Variants in CHL1 observed in about 807,000 individuals in gnomAD.
CHL1 encodes cell adhesion molecule L1 like.
CHL1 carries 96 observed loss-of-function variants against 141.9 expected under a neutral mutation model. The ratio of observed to expected loss-of-function variants is 0.68; its 90% CI spans 0.57 to 0.80. The LOEUF (loss-of-function observed/expected upper bound fraction) is 0.80. Ranked by LOEUF, CHL1 falls within the 30% of genes least tolerant of loss-of-function variation. CHL1 has a pLI of 0.00. For synonymous variants in CHL1, 613 were observed against 502.2 expected (o/e 1.22, Z -2.95); for missense variants, 1,820 against 1,457.2 (o/e 1.25, Z -4.05).
intron 3 of CHL1, among the ~76,000 whole-genome samples, chr3:325,434 T>C (rs947474784): frequency 4.1e-5 from 6 of 147,828 alleles, no homozygotes; most frequent in Non-Finnish European, 9.0e-5. Flanking sequence ...AAAATTCCTA[T>C]TGAAATAGTT....
rs1383455687 is a variant in CHL1, at chr3:399,010, A to T, written c.3254-7A>T. On this transcript the variant is annotated splice_region_variant and splice_polypyrimidine_tract_variant and intron_variant, in intron 25 of 27. Transcript: ENST00000256509. ...TTACAATGCTGTGACTTCTCTTTCT[A>T]CCACAGAATATGCTGGTTTATATGA... 6.2e-7 allele frequency: 1 copy of T among 1,612,718 alleles called. No individual in the cohort carries two copies.
At chr3:268,308 C>A (rs1266942222) in intron 2 of CHL1, among the ~76,000 whole-genome samples, 3 of 152,004 alleles carry the variant, frequency 2.0e-5, no homozygotes, top group African/African-American at 7.2e-5. Context: ...CTGAGATGGG[C>A]AGATTATTTG....
chr3:206,232 C>A (rs527267494), intron 1 of CHL1, among the ~76,000 whole-genome samples: 2 of 152,320 alleles, frequency 1.3e-5, no homozygotes, highest in East Asian at 3.9e-4. Context: ...CTTTGGGAGG[C>A]TGAGACGGGT....
At chr3:251,563 T>C (rs996829410) in intron 2 of CHL1, among the ~76,000 whole-genome samples, 10 of 152,270 alleles carry the variant, frequency 6.6e-5, no homozygotes, top group Admixed American at 6.5e-4. Flanking sequence ...TCACACTTCT[T>C]TAAAATGGGG....
intron 5 of CHL1, 127 bp from the exon 6 acceptor site, chr3:340,667 A>G: frequency 1.3e-6 from 1 of 753,276 alleles, no homozygotes; most frequent in Admixed American, 2.9e-5. Context: ...AGATGTAAGA[A>G]CCAGGATCTG....
intron 2 of CHL1, among the ~76,000 whole-genome samples, chr3:265,143 A>T (rs59660528): frequency 6.6e-5 from 10 of 152,212 alleles, no homozygotes; most frequent in Non-Finnish European, 1.3e-4. Context: ...TTATTTAATT[A>T]ACGGGTAGCT....
Position 269,151 on chromosome 3 carries a change from C to T in CHL1, c.-95+24459C>T, listed in dbSNP as rs999100251. The stretch of plus-strand genomic sequence containing the variant: ...TTTCCCCAACCATCAACCAGCTGCT[C>T]GGCTTGTGCACAAAAAGTTTTGGAG... On this transcript the variant is annotated intron_variant, in intron 2 of 27. Transcript: ENST00000256509. Among the ~76,000 whole-genome samples the T allele has an allele frequency of 5.3e-5, 8 of 152,144 alleles. No homozygotes were observed. In the East Asian group the frequency reaches 5.8e-4, roughly 11 times the overall value.
At chr3:257,617 G>T (rs1461760565) in intron 2 of CHL1, among the ~76,000 whole-genome samples, 1 of 152,018 alleles carries the variant, frequency 6.6e-6, no homozygotes, top group East Asian at 1.9e-4. Flanking sequence ...CTCCCTAAGT[G>T]CTGGGATTAC....
chr3:388,738 A>G (rs1028402513), intron 19 of CHL1, among the ~76,000 whole-genome samples: 6 of 152,174 alleles, frequency 3.9e-5, no homozygotes, highest in African/African-American at 1.4e-4. Context: ...ATATTCTCCA[A>G]AAATATTTAC....
chr3:216,926 C>T (rs761601726), intron 1 of CHL1, among the ~76,000 whole-genome samples: 1 of 152,168 alleles, frequency 6.6e-6, no homozygotes, highest in Non-Finnish European at 1.5e-5. Flanking sequence ...AATATTTTCA[C>T]TAAGGCAGCA....
chr3:367,397 T>C (rs1460571617), intron 15 of CHL1, among the ~76,000 whole-genome samples: 3 of 152,226 alleles, frequency 2.0e-5, no homozygotes, highest in Non-Finnish European at 2.9e-5. Context: ...CAGATTCAAA[T>C]CTCAGCTCAG....
At chr3:361,942 T>G (rs936962342) in intron 13 of CHL1, 132 bp downstream of exon 13, 1 of 616,410 alleles carries the variant, frequency 1.6e-6, no homozygotes, top group Non-Finnish European at 2.9e-6. Context: ...AGACATAAGG[T>G]AACAAACTTA....
In CHL1 at chr3:212,686, C is replaced by T. The variant is rs527919126; in HGVS notation, c.-175+15623C>T. Among the ~76,000 whole-genome samples, 4 of 152,300 alleles carry T rather than the reference C, an allele frequency of 2.6e-5. No homozygotes were observed. The East Asian group carries it at 7.7e-4, about 29-fold the overall frequency. The stretch of plus-strand genomic sequence containing the variant: ...TTTCGTTTCCACTTTCAGCTGGAGT[C>T]AGCCTTCATTATTCCCCTCTCCGTC... On this transcript the variant is annotated intron_variant, in intron 1 of 27. Coordinates refer to ENST00000256509, the MANE Select transcript of CHL1 (RefSeq NM_006614.4).
chr3:356,084 A>G (rs1438941009), intron 11 of CHL1, among the ~76,000 whole-genome samples: 2 of 152,094 alleles, frequency 1.3e-5, no homozygotes, highest in Non-Finnish European at 2.9e-5. Context: ...CATAACAGAC[A>G]CTCAGGAAAC....
At chr3:265,454 G>A (rs758555616) in intron 2 of CHL1, among the ~76,000 whole-genome samples, 2 of 152,144 alleles carry the variant, frequency 1.3e-5, no homozygotes, top group Non-Finnish European at 2.9e-5. Flanking sequence ...TAATTGTGCT[G>A]TCTTATTATT....
At chr3:385,003 CT>C (rs1420867587) in intron 19 of CHL1, among the ~76,000 whole-genome samples, 1 of 152,004 alleles carries the variant, frequency 6.6e-6, no homozygotes, top group Non-Finnish European at 1.5e-5. Context: ...ATGTGGAAAA[CT>C]TTTTTTAAAA....
At chr3:386,637 A>G (rs1473215586) in intron 19 of CHL1, among the ~76,000 whole-genome samples, 3 of 152,214 alleles carry the variant, frequency 2.0e-5, no homozygotes, top group African/African-American at 7.2e-5. Flanking sequence ...AAGGACACCA[A>G]AAGCAAAACC....
chr3:359,225 T>C (rs1184690704), intron 11 of CHL1, among the ~76,000 whole-genome samples: 1 of 151,924 alleles, frequency 6.6e-6, no homozygotes, highest in Non-Finnish European at 1.5e-5. Flanking sequence ...GTCAGTGAGA[T>C]CATGCATGTG....
At chr3:258,706 A>G (rs758762022) in intron 2 of CHL1, among the ~76,000 whole-genome samples, 3 of 152,174 alleles carry the variant, frequency 2.0e-5, no homozygotes, top group Non-Finnish European at 4.4e-5. Flanking sequence ...AGTTTTAAAT[A>G]GAAGCATTTA....
Sources: gnomAD v4.1 joint callset for allele counts (sites outside exome capture counted in the v4.1 genomes callset) on GRCh38, gnomAD v4.1.1 for gene constraint, MANE v1.5 for transcripts, NCBI Gene and HGNC (gene_info 2026-07-23, HGNC 2026-07-21) for gene names.